The following FHIT variants were observed in gnomAD, a reference collection of about 807,000 sequenced individuals.
The protein encoded by FHIT is bis(5'-adenosyl)-triphosphatase.
A neutral mutation model predicts 17.9 loss-of-function variants in FHIT; 19 were observed. The observed-to-expected ratio is 1.06, with a 90% CI of 0.74 to 1.56. FHIT has a LOEUF of 1.56. FHIT is among the 40% of genes most tolerant of loss of function. The probability of loss-of-function intolerance (pLI) is 0.00; values close to 1 mark genes in which losing one functional copy is unlikely to be tolerated. For missense variants in FHIT, 248 were observed against 189.2 expected, an observed-to-expected ratio of 1.31 and a Z score of -1.82; for synonymous variants, 81 against 69.7, an observed-to-expected ratio of 1.16 and a Z score of -0.81.
chr3:60,548,929 T>C (rs543051064), intron 4 of FHIT, among the ~76,000 whole-genome samples: 1 of 152,300 alleles, frequency 6.6e-6, no homozygotes, highest in African/African-American at 2.4e-5. Context: ...TGGCTTCCGA[T>C]TGTATCTTCT....
chr3:61,166,000 A>C (rs1232968428), intron 2 of FHIT, among the ~76,000 whole-genome samples: 1 of 152,158 alleles, frequency 6.6e-6, no homozygotes, highest in East Asian at 1.9e-4. Context: ...CCTGGAACCC[A>C]GGGTTGGAAG....
At chr3:59,825,415 G>C (rs1218192620) in intron 8 of FHIT, among the ~76,000 whole-genome samples, 2 of 152,186 alleles carry the variant, frequency 1.3e-5, no homozygotes, top group Non-Finnish European at 2.9e-5. Flanking sequence ...TAGAGGGATA[G>C]TTGAGTTCTG....
At chr3:60,125,016 A>T (rs1453364398) in intron 5 of FHIT, among the ~76,000 whole-genome samples, 2 of 152,242 alleles carry the variant, frequency 1.3e-5, no homozygotes, top group Non-Finnish European at 2.9e-5. Flanking sequence ...TGTCTCTTAC[A>T]GAATAGATAT....
At chr3:60,177,867 G>A (rs559687049) in intron 5 of FHIT, among the ~76,000 whole-genome samples, 7 of 152,252 alleles carry the variant, frequency 4.6e-5, no homozygotes, top group African/African-American at 1.7e-4. Context: ...AGGCTGGACT[G>A]GGTCAGTGCT....
chr3:59,958,870 G>A lies in FHIT; in HGVS notation c.280-36456C>T, dbSNP rs191255796. Among the ~76,000 whole-genome samples the A allele has an allele frequency of 9.1e-3, 1,373 of 151,224 alleles. 10 individuals carry two copies. Among genetic ancestry groups the A allele is most frequent in the Non-Finnish European group, 0.014 (929 of 67,712 alleles). ...TCCCAACTTTCTCCTCTTATATAAA[G>A]TGGTCAGGCTCAGTTTTCAGTATCA... is the stretch of plus-strand genomic sequence containing the variant. On this transcript the variant is annotated intron_variant, in intron 7 of 9. Coordinates refer to ENST00000492590, the MANE Select transcript of FHIT (RefSeq NM_002012.4).
At chr3:60,500,703 G>T (rs1270431670) in intron 5 of FHIT, among the ~76,000 whole-genome samples, 2 of 147,368 alleles carry the variant, frequency 1.4e-5, no homozygotes, top group Admixed American at 7.0e-5. Flanking sequence ...AACCCGGGAG[G>T]CAGAGGTTGC....
At chr3:60,299,351 C>T (rs1708351124) in intron 5 of FHIT, among the ~76,000 whole-genome samples, 1 of 152,106 alleles carries the variant, frequency 6.6e-6, no homozygotes, top group South Asian at 2.1e-4. Flanking sequence ...GGATGTTGGT[C>T]TGCAGGGTTT....
intron 3 of FHIT, among the ~76,000 whole-genome samples, chr3:60,848,343 A>AT (rs1478872738): frequency 1.3e-5 from 2 of 152,044 alleles, no homozygotes; most frequent in Non-Finnish European, 1.5e-5. Flanking sequence ...TTTTAAGATA[A>AT]TTTTTTTGCA....
At chr3:61,083,357 G>A (rs1227897226) in intron 2 of FHIT, among the ~76,000 whole-genome samples, 1 of 152,126 alleles carries the variant, frequency 6.6e-6, no homozygotes, top group Non-Finnish European at 1.5e-5. Flanking sequence ...TTGGGAGGCC[G>A]AGGCGGGCGG....
intron 5 of FHIT, among the ~76,000 whole-genome samples, chr3:60,181,089 A>G (rs13076427): frequency 1.3e-5 from 2 of 151,934 alleles, no homozygotes; most frequent in Non-Finnish European, 2.9e-5. Flanking sequence ...ATAAAGTTGC[A>G]CCAGGAATAT....
chr3:60,771,911 A>C (rs1700055842), intron 4 of FHIT, among the ~76,000 whole-genome samples: 1 of 152,202 alleles, frequency 6.6e-6, no homozygotes, highest in African/African-American at 2.4e-5. Context: ...AGATGTCATC[A>C]AGCTGAAAAT....
chr3:59,890,666 T>C (rs1338706314), intron 8 of FHIT, among the ~76,000 whole-genome samples: 3 of 152,180 alleles, frequency 2.0e-5, no homozygotes, highest in African/African-American at 7.2e-5. Context: ...AAGTATGATC[T>C]TTGAAACACT....
At chr3:60,762,929 T>A (rs1699708867) in intron 4 of FHIT, among the ~76,000 whole-genome samples, 1 of 152,182 alleles carries the variant, frequency 6.6e-6, no homozygotes, top group Non-Finnish European at 1.5e-5. Flanking sequence ...TTCATAATCA[T>A]GTGAGTGAAC....
rs149945845 is a variant in FHIT, at chr3:60,332,740, C to G, written c.103+204120G>C. On this transcript the variant is annotated intron_variant, in intron 5 of 9. Coordinates refer to ENST00000492590, the MANE Select transcript of FHIT (RefSeq NM_002012.4). Reference sequence around the variant, plus strand: ...ACCAGCTTCTACTCTTCTGAGCCATCCCTTCCTTGATTTCCCCCACCACTC... The same window carrying G: ...ACCAGCTTCTACTCTTCTGAGCCATGCCTTCCTTGATTTCCCCCACCACTC... Among the ~76,000 whole-genome samples the G allele has an allele frequency of 7.9e-3, 1,204 of 152,252 alleles. 15 individuals carry two copies. The highest frequency in any genetic ancestry group is 0.027 in the African/African-American group (1,142 of 41,550).
At chr3:60,064,545 AG>A (rs1702421544) in intron 5 of FHIT, among the ~76,000 whole-genome samples, 1 of 152,226 alleles carries the variant, frequency 6.6e-6, no homozygotes, top group Non-Finnish European at 1.5e-5. Flanking sequence ...GATGAGGGAC[AG>A]GGACAGACAG....
At position 60,205,901 on chromosome 3, in the gene FHIT, G is replaced by A. The variant is rs552482616; in HGVS notation, c.104-191749C>T. On this transcript the variant is annotated intron_variant, in intron 5 of 9. Transcript: ENST00000492590. The stretch of plus-strand genomic sequence containing the variant: ...AGGGGGGCAGATCATGAGGTCAGGT[G>A]ATTGAGACCATCCTGGCTAACACGG... Among the ~76,000 whole-genome samples the A allele has an allele frequency of 7.9e-5, 12 of 151,772 alleles. No individual in the cohort carries two copies. In the South Asian group the frequency reaches 2.5e-3, roughly 32 times the overall value.
intron 5 of FHIT, among the ~76,000 whole-genome samples, chr3:60,096,682 T>C (rs1206361708): frequency 6.6e-6 from 1 of 152,182 alleles, no homozygotes; most frequent in Non-Finnish European, 1.5e-5. Context: ...GATTTCTGTT[T>C]TGTTCTGTGT....
chr3:60,862,596 T>A (rs1439205636), intron 3 of FHIT, among the ~76,000 whole-genome samples: 1 of 152,150 alleles, frequency 6.6e-6, no homozygotes, highest in Admixed American at 6.5e-5. Context: ...ACGCCTGTAA[T>A]ACCAGCACTT....
intron 8 of FHIT, among the ~76,000 whole-genome samples, chr3:59,860,778 G>A (rs894135743): frequency 3.9e-5 from 6 of 152,062 alleles, no homozygotes; most frequent in African/African-American, 1.2e-4. Flanking sequence ...AAGGTGTGAG[G>A]AAACTTCAGA....
Sources: allele counts gnomAD v4.1 joint callset (sites outside exome capture counted in the v4.1 genomes callset), GRCh38; gene constraint gnomAD v4.1.1; transcripts MANE v1.5; gene names NCBI Gene and HGNC (gene_info 2026-07-23, HGNC 2026-07-21).